CNTNAP5: variants seen among roughly 807,000 people sequenced by gnomAD.
CNTNAP5 encodes contactin associated protein family member 5, also known as contactin-associated protein-like 5.
CNTNAP5 carries 72 observed loss-of-function variants against 150.2 expected under a neutral mutation model. The ratio of observed to expected loss-of-function variants is 0.48; its 90% CI spans 0.40 to 0.58. CNTNAP5 has a LOEUF of 0.58. CNTNAP5 is among the 20% of genes least tolerant of loss of function. CNTNAP5 has a pLI of 0.00. For synonymous variants in CNTNAP5, 672 were observed against 619.8 expected (o/e 1.08, Z -1.25); for missense variants, 1,636 against 1,626.2 (o/e 1.01, Z -0.10).
chr2:124,215,681 G>C (rs1686137546), intron 1 of CNTNAP5, among the ~76,000 whole-genome samples: 3 of 144,390 alleles, frequency 2.1e-5, no homozygotes. Context: ...GTTTATCTAG[G>C]GGAGAGTATT....
At chr2:124,320,119 A>G (rs1291409326) in intron 3 of CNTNAP5, among the ~76,000 whole-genome samples, 1 of 152,200 alleles carries the variant, frequency 6.6e-6, no homozygotes, top group African/African-American at 2.4e-5. Context: ...GTAACATACA[A>G]TTCCACAACA....
At position 124,918,358 on chromosome 2, in the gene CNTNAP5, G is replaced by A. The variant is rs771018848; in HGVS notation, c.*4070G>A. On this transcript the variant is annotated 3_prime_UTR_variant, in exon 24 of 24. Transcript: ENST00000682447. ...CATAACATTTCTGAACCTAACTGAAGTCTACCCTTCCATCAGTAATTGACT... is the reference window on the plus strand; with the variant it reads ...CATAACATTTCTGAACCTAACTGAAATCTACCCTTCCATCAGTAATTGACT... 9.9e-5 allele frequency among the ~76,000 whole-genome samples: 15 copies of A among 152,002 alleles called. No homozygotes were observed. The highest frequency in any genetic ancestry group is 6.6e-5 in the Admixed American group (1 of 15,222).
At chr2:124,484,789 A>G (rs1693834879) in intron 7 of CNTNAP5, among the ~76,000 whole-genome samples, 1 of 152,240 alleles carries the variant, frequency 6.6e-6, no homozygotes, top group African/African-American at 2.4e-5. Context: ...AATGAAAACT[A>G]TGAACACATT....
chr2:124,746,477 C>T (rs1056675542), intron 13 of CNTNAP5, among the ~76,000 whole-genome samples: 7 of 152,174 alleles, frequency 4.6e-5, no homozygotes, highest in Admixed American at 6.6e-5. Context: ...GTTTGGTCCA[C>T]ATATTATCAG....
intron 21 of CNTNAP5, among the ~76,000 whole-genome samples, chr2:124,882,532 C>G (rs1677984982): frequency 6.6e-6 from 1 of 152,062 alleles, no homozygotes; most frequent in South Asian, 2.1e-4. Flanking sequence ...GGTCCTGTTT[C>G]CCTACTGATT....
intron 2 of CNTNAP5, 47 bp from the exon 3 acceptor site, chr2:124,242,153 T>G: frequency 4.2e-5 from 61 of 1,441,636 alleles, no homozygotes; most frequent in Non-Finnish European, 5.5e-5. Flanking sequence ...TGTAGCTATG[T>G]GAGACATTAC....
chr2:124,125,719 G>T (rs902491884), intron 1 of CNTNAP5, among the ~76,000 whole-genome samples: 1 of 152,112 alleles, frequency 6.6e-6, no homozygotes, highest in African/African-American at 2.4e-5. Context: ...CTGTCTCTCA[G>T]ATCACAGTGC....
At chr2:124,683,189 C>T (rs763894936) in intron 13 of CNTNAP5, among the ~76,000 whole-genome samples, 5 of 152,100 alleles carry the variant, frequency 3.3e-5, no homozygotes, top group Non-Finnish European at 5.9e-5. Context: ...TTGGGGGAGC[C>T]GTGTGCCCCA....
chr2:124,845,384 G>A (rs1289377332), intron 19 of CNTNAP5, among the ~76,000 whole-genome samples: 3 of 149,284 alleles, frequency 2.0e-5, no homozygotes, highest in Non-Finnish European at 4.4e-5. Context: ...TGGTTGGCTG[G>A]TATTTTGTTA....
chr2:124,329,170 G>C (rs1689289431), intron 3 of CNTNAP5, among the ~76,000 whole-genome samples: 1 of 152,198 alleles, frequency 6.6e-6, no homozygotes, highest in Non-Finnish European at 1.5e-5. Context: ...CTGAGCTCTG[G>C]AGGAAGTGGG....
chr2:124,873,994 G>A (rs375017126), intron 21 of CNTNAP5, among the ~76,000 whole-genome samples: 60 of 152,088 alleles, frequency 3.9e-4, no homozygotes, highest in African/African-American at 1.4e-3. Flanking sequence ...TACCAGCCAC[G>A]GTGCTACAGA....
rs1690301015 is a variant in CNTNAP5, at chr2:124,364,142, C to G, written c.382-53301C>G. 1.3e-5 allele frequency among the ~76,000 whole-genome samples: 2 copies of G among 152,172 alleles called. 1 individual carries two copies. The highest frequency in any genetic ancestry group is 2.9e-5 in the Non-Finnish European group (2 of 68,040). Reference sequence around the variant, plus strand: ...ACAAAGTTATACAGGATGCATGAAACTTCCTGAGACCTCACACTTCTCCTT... The same window carrying G: ...ACAAAGTTATACAGGATGCATGAAAGTTCCTGAGACCTCACACTTCTCCTT... On this transcript the variant is annotated intron_variant, in intron 3 of 23. Transcript: ENST00000682447.
chr2:124,150,836 G>T (rs144174686), intron 1 of CNTNAP5, among the ~76,000 whole-genome samples: 2 of 152,058 alleles, frequency 1.3e-5, no homozygotes, highest in Non-Finnish European at 2.9e-5. Context: ...GTGCATTTGT[G>T]GGGGGCACAA....
intron 12 of CNTNAP5, among the ~76,000 whole-genome samples, chr2:124,627,678 C>A (rs201207870): frequency 6.6e-6 from 1 of 152,132 alleles, no homozygotes; most frequent in Non-Finnish European, 1.5e-5. Context: ...ATGATTGCAA[C>A]GTCTCCAGCA....
chr2:124,461,557 T>C (rs1026235475), intron 6 of CNTNAP5, among the ~76,000 whole-genome samples: 1 of 148,254 alleles, frequency 6.7e-6, no homozygotes, highest in Non-Finnish European at 1.5e-5. Flanking sequence ...GGGATAGCAT[T>C]AGGAGATATA....
chr2:124,428,409 G>T (rs1692292136), intron 4 of CNTNAP5, among the ~76,000 whole-genome samples: 1 of 152,160 alleles, frequency 6.6e-6, no homozygotes, highest in Admixed American at 6.5e-5. Flanking sequence ...ACACAAGAAT[G>T]CATGAGTGAA....
At chr2:124,383,345 A>G (rs1690848635) in intron 3 of CNTNAP5, among the ~76,000 whole-genome samples, 2 of 152,180 alleles carry the variant, frequency 1.3e-5, no homozygotes, top group African/African-American at 4.8e-5. Flanking sequence ...TTACAGGCCC[A>G]GCTATATCAT....
chr2:124,079,024 AT>A (rs900525242), intron 1 of CNTNAP5, among the ~76,000 whole-genome samples: 2 of 152,152 alleles, frequency 1.3e-5, no homozygotes, highest in Non-Finnish European at 2.9e-5. Flanking sequence ...GGATCTAGCA[AT>A]TCCAAGTGCT....
chr2:124,510,283 ATC>A (rs1491453931), intron 8 of CNTNAP5, among the ~76,000 whole-genome samples: 1,075 of 11,056 alleles, frequency 0.097, 95 homozygotes, highest in South Asian at 0.2. Flanking sequence ...CTATATCTAT[ATC>A]TATATATCTA....
Sources: gnomAD v4.1 joint callset for allele counts (sites outside exome capture counted in the v4.1 genomes callset) on GRCh38, gnomAD v4.1.1 for gene constraint, MANE v1.5 for transcripts, NCBI Gene and HGNC (gene_info 2026-07-23, HGNC 2026-07-21) for gene names.